Variants in SCARA3 observed in about 807,000 individuals in gnomAD.
SCARA3 encodes the protein scavenger receptor class A member 3.
Under a neutral mutation model 47.0 loss-of-function variants are expected in SCARA3, and 39 were observed. The observed-to-expected ratio is 0.83, with a 90% CI of 0.64 to 1.08. The LOEUF is 1.08. Among genes scored for constraint, SCARA3 ranks in the 50% least tolerant of loss-of-function variants. The pLI, the probability that SCARA3 is intolerant of heterozygous loss-of-function variation, is 0.00. For synonymous variants in SCARA3, 356 were observed against 334.1 expected (o/e 1.07, Z -0.71); for missense variants, 724 against 792.3 (o/e 0.91, Z 1.04).
the SCARA3 span, among the ~76,000 whole-genome samples, chr8:27,687,736 G>A: frequency 2.0e-5 from 3 of 152,164 alleles, no homozygotes; most frequent in African/African-American, 7.2e-5. Context: ...AAAAAAGCAG[G>A]CCAGGCACGG....
the SCARA3 span, among the ~76,000 whole-genome samples, chr8:27,695,194 C>A: frequency 6.6e-6 from 1 of 152,052 alleles, no homozygotes; most frequent in African/African-American, 2.4e-5. Context: ...AGGACTACAC[C>A]CTGGAGTATA....
At chr8:27,656,661 G>A (rs1487865233) in intron 3 of SCARA3, 121 bp from the exon 4 acceptor site, 2 of 684,942 alleles carry the variant, frequency 2.9e-6, no homozygotes, top group African/African-American at 3.6e-5. Context: ...GAAGAAGCCT[G>A]AGAGAAGAAG....
At chr8:27,717,475 T>C in the SCARA3 span, among the ~76,000 whole-genome samples, 7 of 152,198 alleles carry the variant, frequency 4.6e-5, no homozygotes, top group Non-Finnish European at 1.0e-4. Context: ...TTTTGAACTA[T>C]ATGATTGTAT....
chr8:27,670,957 C>A lies in SCARA3; in HGVS notation c.1427C>A (p.Pro476His), dbSNP rs373122006. 1 of 1,596,908 alleles carries A rather than the reference C, an allele frequency of 6.3e-7. No homozygotes were observed. The highest frequency in any genetic ancestry group is 1.1e-5 in the South Asian group (1 of 88,638). ...GFKGDMGVKG[P>H]VGGRGPKGDP... is the part of the protein sequence containing the mutation. The stretch of plus-strand genomic sequence containing the variant: ...AAAGGAGATATGGGCGTGAAAGGGC[C>A]TGTTGGCGGCAGAGGCCCGAAAGGA... Residue 476 changes from proline to histidine, a missense_variant, in exon 6 of 6, where the codon CCT (proline) becomes CAT (histidine). Pro to His is a moderately conservative substitution (Grantham distance 77). Coordinates refer to ENST00000301904, the MANE Select transcript of SCARA3 (RefSeq NM_016240.3).
At chr8:27,673,803 C>G (rs1178167293), downstream of SCARA3, among the ~76,000 whole-genome samples, 1 of 152,182 alleles carries the variant, frequency 6.6e-6, no homozygotes, top group African/African-American at 2.4e-5. Context: ...GTGCTCTGTG[C>G]TCCTCTGCAG....
the SCARA3 span, among the ~76,000 whole-genome samples, chr8:27,689,670 G>T: frequency 2.0e-5 from 3 of 152,168 alleles, no homozygotes; most frequent in Non-Finnish European, 4.4e-5. Flanking sequence ...GCCCAGCTGG[G>T]TCCTTGCAGG....
At chr8:27,684,620 T>C in the SCARA3 span, among the ~76,000 whole-genome samples, 1 of 151,322 alleles carries the variant, frequency 6.6e-6, no homozygotes, top group Non-Finnish European at 1.5e-5. Flanking sequence ...TGAGCTATGA[T>C]TGTGCCACTG....
At chr8:27,716,239 G>A in the SCARA3 span, among the ~76,000 whole-genome samples, 1 of 152,124 alleles carries the variant, frequency 6.6e-6, no homozygotes, top group Non-Finnish European at 1.5e-5. Flanking sequence ...CTTGAGCCCA[G>A]GAAGTCGAGG....
At chr8:27,719,653 G>A in the SCARA3 span, among the ~76,000 whole-genome samples, 1 of 152,148 alleles carries the variant, frequency 6.6e-6, no homozygotes, top group African/African-American at 2.4e-5. Flanking sequence ...TAGCAAAGGA[G>A]TCGAAAAGAC....
chr8:27,678,356 C>T (rs1802309187), downstream of SCARA3, among the ~76,000 whole-genome samples: 2 of 152,170 alleles, frequency 1.3e-5, no homozygotes, highest in South Asian at 2.1e-4. Flanking sequence ...ACCACAAATC[C>T]TACAGACATT....
rs2128920540 is a variant in SCARA3, at chr8:27,658,434, A to G, written c.326-62A>G. On this transcript the variant is annotated intron_variant, in intron 4 of 5. Coordinates refer to ENST00000301904, the MANE Select transcript of SCARA3 (RefSeq NM_016240.3). ...TCTTATGCTCTGAAATATTTAATTT[A>G]AAGAGGAAGCGTCGTACCCTGGCCC... 2.1e-6 allele frequency: 3 copies of G among 1,418,720 alleles called. No homozygotes were observed. In the South Asian group the frequency reaches 4.2e-5, roughly 20 times the overall value. The allele number at this position is 1,418,720 out of a possible 1,614,324, so 87.9% of individuals were successfully genotyped here.
At chr8:27,646,972 G>GCCCCCCCCCC (rs757314343) in intron 1 of SCARA3, among the ~76,000 whole-genome samples, 1 of 23,478 alleles carries the variant, frequency 4.3e-5, no homozygotes, top group African/African-American at 1.7e-4. Context: ...GACCGCCCCC[G>GCCCCCCCCCC]CCCCCCCCCC....
At chr8:27,699,734 G>C in the SCARA3 span, among the ~76,000 whole-genome samples, 1 of 151,868 alleles carries the variant, frequency 6.6e-6, no homozygotes, top group Non-Finnish European at 1.5e-5. Context: ...TTCCAGACCA[G>C]CCTAGACAAT....
At position 27,668,269 on chromosome 8, in the gene SCARA3, G is replaced by A. The variant is rs187365498; in HGVS notation, c.1370-2631G>A. 3.3e-5 allele frequency among the ~76,000 whole-genome samples: 5 copies of A among 152,252 alleles called. 1 individual carries two copies. In the East Asian group the frequency reaches 9.7e-4, roughly 30 times the overall value. On this transcript the variant is annotated intron_variant, in intron 5 of 5. Coordinates refer to ENST00000301904, the MANE Select transcript of SCARA3 (RefSeq NM_016240.3). ...TTAGAAATCACAGATAGCCGGGCGCGGTGGCTCACGCCTGTAATCCCAGCA... is the reference window on the plus strand; with the variant it reads ...TTAGAAATCACAGATAGCCGGGCGCAGTGGCTCACGCCTGTAATCCCAGCA...
chr8:27,709,751 C>T, the SCARA3 span, among the ~76,000 whole-genome samples: 20 of 152,300 alleles, frequency 1.3e-4, no homozygotes, highest in African/African-American at 4.8e-4. Flanking sequence ...CCACCCAGTG[C>T]TGATGCCTGG....
At chr8:27,637,151 C>T (rs1017809514) in intron 1 of SCARA3, among the ~76,000 whole-genome samples, 1 of 152,260 alleles carries the variant, frequency 6.6e-6, no homozygotes, top group African/African-American at 2.4e-5. Flanking sequence ...CACCGGTGGC[C>T]GAGTGCCAGG....
At chr8:27,705,021 G>T in the SCARA3 span, among the ~76,000 whole-genome samples, 1 of 152,184 alleles carries the variant, frequency 6.6e-6, no homozygotes, top group Non-Finnish European at 1.5e-5. Context: ...AGCATCCTGT[G>T]AATTTGGCCA....
At chr8:27,708,898 CT>C in the SCARA3 span, among the ~76,000 whole-genome samples, 1 of 152,178 alleles carries the variant, frequency 6.6e-6, no homozygotes, top group Non-Finnish European at 1.5e-5. Context: ...TCTATTCCCA[CT>C]TTCCCTCCCT....
chr8:27,671,638 GCATGCACACA>G lies in SCARA3; in HGVS notation c.*290_*299del. On this transcript the variant is annotated 3_prime_UTR_variant, in exon 6 of 6. Coordinates refer to ENST00000301904, the MANE Select transcript of SCARA3 (RefSeq NM_016240.3). ...CATGCACACATACACAGGCATACAT[GCATGCACACA>G]CACATGCACGCACACACACATGCAC... 1 of 1,143,166 alleles carries G rather than the reference GCATGCACACA, an allele frequency of 8.7e-7. No individual in the cohort carries two copies. Among genetic ancestry groups the G allele is most frequent in the Non-Finnish European group, 1.1e-6 (1 of 924,952 alleles). 70.8% of individuals were successfully genotyped at this position (1,143,166 alleles called of 1,614,324 possible).
Sources: allele counts gnomAD v4.1 joint callset (sites outside exome capture counted in the v4.1 genomes callset), GRCh38; gene constraint gnomAD v4.1.1; transcripts MANE v1.5; gene names NCBI Gene and HGNC (gene_info 2026-07-23, HGNC 2026-07-21).